The following SKP2 variants were observed in gnomAD, a reference collection of about 807,000 sequenced individuals.
SKP2 encodes the protein S-phase kinase associated protein 2.
A neutral mutation model predicts 51.8 loss-of-function variants in SKP2; 16 were observed. The ratio of observed to expected loss-of-function variants is 0.31; its 90% CI spans 0.21 to 0.47. SKP2 has a LOEUF of 0.47. Ranked by LOEUF, SKP2 falls within the 20% of genes least tolerant of loss-of-function variation. The pLI is 1.00. For missense variants in SKP2, 377 were observed against 505.3 expected (o/e 0.75, Z 2.43); for synonymous variants, 176 against 198.6 (o/e 0.89, Z 0.96).
chr5:36,159,611 C>T (rs975965157), intron 2 of SKP2, among the ~76,000 whole-genome samples: 1 of 152,212 alleles, frequency 6.6e-6, no homozygotes, highest in African/African-American at 2.4e-5. Flanking sequence ...AATACCCCAG[C>T]ACTCGTGCCC....
chr5:36,180,290 G>C (rs780620744), intron 9 of SKP2: 3 of 1,331,786 alleles, frequency 2.3e-6, no homozygotes, highest in Admixed American at 3.8e-5. Context: ...TGCTGTCATC[G>C]TAAGTGATTA....
rs1483743970 is a variant in SKP2 at position 36,183,717 on chromosome 5, G to A, written c.*1686G>A. The A allele has an allele frequency of 7.5e-6, 10 of 1,325,858 alleles. No homozygotes were observed. Among genetic ancestry groups the A allele is most frequent in the Non-Finnish European group, 8.7e-6 (9 of 1,031,384 alleles). 82.1% of individuals were successfully genotyped at this position (1,325,858 alleles called of 1,614,324 possible). A position where few individuals can be genotyped will look rare whatever the true frequency, so the allele number is the denominator to read the frequency against. On this transcript the variant is annotated 3_prime_UTR_variant, in exon 10 of 10. Coordinates refer to ENST00000274255, the MANE Select transcript of SKP2 (RefSeq NM_005983.4). Reference sequence around the variant, plus strand: ...ATTGTTAATGTTAGAAACATACTATGAAGTGCCTTTATCTGCTTAGACCTA... The same window carrying A: ...ATTGTTAATGTTAGAAACATACTATAAAGTGCCTTTATCTGCTTAGACCTA...
intron 7 of SKP2, among the ~76,000 whole-genome samples, chr5:36,175,935 T>C (rs1175969081): frequency 6.6e-6 from 1 of 151,856 alleles, no homozygotes; most frequent in African/African-American, 2.4e-5. Context: ...ACTGTATAAT[T>C]CTCTGAATTC....
At position 36,168,509 on chromosome 5, in the gene SKP2, G is replaced by T. The variant is rs1253413172; in HGVS notation, c.671+62G>T. The T allele has an allele frequency of 2.7e-6, 4 of 1,508,634 alleles. No homozygotes were observed. In the African/African-American group the frequency reaches 4.1e-5, roughly 15 times the overall value. The allele number at this position is 1,508,634 out of a possible 1,614,324, so 93.5% of individuals were successfully genotyped here. The stretch of plus-strand genomic sequence containing the variant: ...TTTATGTGTATGAATTTTTTTCCCT[G>T]TATATAACTGGGGTGCCCTTCTAGC... On this transcript the variant is annotated intron_variant, in intron 5 of 9. Coordinates refer to ENST00000274255, the MANE Select transcript of SKP2 (RefSeq NM_005983.4).
intron 7 of SKP2, among the ~76,000 whole-genome samples, chr5:36,175,615 C>CT (rs904273542): frequency 1.1e-4 from 16 of 148,136 alleles, no homozygotes; most frequent in Non-Finnish European, 1.3e-4. Context: ...TCCTTGCAGC[C>CT]TTTTTTTTTT....
At chr5:36,188,711 G>A (rs978403642), downstream of SKP2, among the ~76,000 whole-genome samples, 4 of 152,030 alleles carry the variant, frequency 2.6e-5, no homozygotes, top group Admixed American at 2.0e-4. Context: ...ATGTGCCTTC[G>A]GGTTGCTCTT....
Position 36,183,993 on chromosome 5 carries a change from A to T in SKP2, c.*1962A>T, listed in dbSNP as rs150453834. ...TTGTATGTGATTTCTACTTTTATAG[A>T]CTTGTTTTAAAACAATAAAACACAT... On this transcript the variant is annotated 3_prime_UTR_variant, in exon 10 of 10. Coordinates refer to ENST00000274255, the MANE Select transcript of SKP2 (RefSeq NM_005983.4). The T allele has an allele frequency of 1.0e-4, 164 of 1,580,616 alleles. No individual in the cohort carries two copies. In the African/African-American group the frequency reaches 2.0e-3, roughly 19 times the overall value.
At chr5:36,170,264 C>T (rs1365572269) in intron 5 of SKP2, 80 bp from the exon 6 acceptor site, 1 of 778,808 alleles carries the variant, frequency 1.3e-6, no homozygotes, top group African/African-American at 1.7e-5. Flanking sequence ...CTTAACTACA[C>T]TCGCCTGCTT....
At chr5:36,170,245 A>T (rs1422891388) in intron 5 of SKP2, 99 bp from the exon 6 acceptor site, 1 of 642,064 alleles carries the variant, frequency 1.6e-6, no homozygotes, top group East Asian at 2.7e-5. Flanking sequence ...TGACTCAAAG[A>T]CCTGTGAGCT....
At chr5:36,181,622 C>G (rs1297454091) in intron 9 of SKP2, among the ~76,000 whole-genome samples, 196 bp from the exon 10 acceptor site, 1 of 152,126 alleles carries the variant, frequency 6.6e-6, no homozygotes, top group East Asian at 1.9e-4. Context: ...AGTGTGTTTC[C>G]TAATGACATG....
intron 7 of SKP2, among the ~76,000 whole-genome samples, chr5:36,172,770 C>T (rs1479528999): frequency 4.6e-5 from 7 of 152,024 alleles, no homozygotes; most frequent in South Asian, 2.1e-4. Flanking sequence ...GGTAGAAATT[C>T]GAGTCTTTCA....
At position 36,171,595 on chromosome 5, in the gene SKP2, T is replaced by C. The variant is rs1745477096; in HGVS notation, c.771-8T>C. On this transcript the variant is annotated splice_region_variant and splice_polypyrimidine_tract_variant and intron_variant, in intron 6 of 9. Coordinates refer to ENST00000274255, the MANE Select transcript of SKP2 (RefSeq NM_005983.4). ...TCATATTTTGTTTATTACCCCTCTT[T>C]TGTGCAGACTGGATGAGCTGAACCT... 3.1e-6 allele frequency: 5 copies of C among 1,612,784 alleles called. No homozygotes were observed. The highest frequency in any genetic ancestry group is 1.3e-5 in the African/African-American group (1 of 74,994).
In SKP2 at chr5:36,175,370, C is replaced by T. The variant is rs138225575; in HGVS notation, c.902-1595C>T. Among the ~76,000 whole-genome samples, 328 of 152,048 alleles carry T rather than the reference C, an allele frequency of 2.2e-3. 2 individuals carry two copies. Among genetic ancestry groups the T allele is most frequent in the African/African-American group, 7.6e-3 (314 of 41,482 alleles). ...TTTAGAGGCCTATCTCATATCCAAA[C>T]GGTATGTTGAGGAGGCAGTTGAAAA... On this transcript the variant is annotated intron_variant, in intron 7 of 9. Coordinates refer to ENST00000274255, the MANE Select transcript of SKP2 (RefSeq NM_005983.4).
Position 36,177,219 on chromosome 5 carries a change from G to C in SKP2, c.988G>C (p.Glu330Gln). 1 of 1,612,154 alleles carries C rather than the reference G, an allele frequency of 6.2e-7. No homozygotes were observed. Among genetic ancestry groups the C allele is most frequent in the Non-Finnish European group, 8.5e-7 (1 of 1,178,654 alleles). ...SVMLKNDCFQ[E>Q]FFQLNYLQHL... ...CATGCTAAAGAATGACTGCTTTCAG[G>C]AATTTTTCCAGCTCAACTACCTCCA... Residue 330 changes from glutamate to glutamine, a missense_variant, in exon 9 of 10, where the codon GAA becomes CAA. Physicochemically the swap from Glu to Gln is conservative, Grantham distance 29 (BLOSUM62 2). Transcript: ENST00000274255.
chr5:36,175,607 C>T (rs1305802867), intron 7 of SKP2, among the ~76,000 whole-genome samples: 1 of 151,538 alleles, frequency 6.6e-6, no homozygotes, highest in Non-Finnish European at 1.5e-5. Flanking sequence ...GATGTATTTC[C>T]TTGCAGCCTT....
intron 1 of SKP2, 135 bp from the exon 2 acceptor site, chr5:36,152,636 G>A: frequency 1.1e-6 from 1 of 874,122 alleles, no homozygotes; most frequent in South Asian, 1.7e-5. Flanking sequence ...CTCGCCGCAG[G>A]CACATAAAAA....
chr5:36,180,189 T>G (rs1203108310), intron 9 of SKP2: 1 of 899,836 alleles, frequency 1.1e-6, no homozygotes, highest in Non-Finnish European at 1.6e-6. Context: ...GCTCACAATT[T>G]GGCTAATTTG....
chr5:36,176,194 A>C (rs2112000842), intron 7 of SKP2, among the ~76,000 whole-genome samples: 1 of 151,882 alleles, frequency 6.6e-6, no homozygotes, highest in South Asian at 2.1e-4. Context: ...GGTATTTTGC[A>C]ATGTAGATTT....
chr5:36,181,933 T>C lies in SKP2; in HGVS notation c.1177T>C (p.Phe393Leu), dbSNP rs755374353. Reference sequence around the variant, plus strand: ...TCATCTACAGATTAATTGCTCCCATTTCACCACCATTGCCAGGCCAACTAT... The same window carrying C: ...TCATCTACAGATTAATTGCTCCCATCTCACCACCATTGCCAGGCCAACTAT... ...LPHLQINCSH[F>L]TTIARPTIGN... The change falls in exon 10 of 10, where the codon TTC becomes CTC. Residue 393 changes from phenylalanine (F) to leucine (L), a missense_variant. Around this residue, in one of 2 missense-constraint regions of SKP2, gnomAD observed 262 missense variants for 389.8 expected, o/e 0.67. Coordinates refer to ENST00000274255, the MANE Select transcript of SKP2 (RefSeq NM_005983.4). The C allele has an allele frequency of 3.1e-6, 5 of 1,614,154 alleles. No individual in the cohort carries two copies. Among genetic ancestry groups the C allele is most frequent in the Non-Finnish European group, 4.2e-6 (5 of 1,180,016 alleles).
Sources: allele counts gnomAD v4.1 joint callset (sites outside exome capture counted in the v4.1 genomes callset), GRCh38; gene constraint gnomAD v4.1.1; regional missense constraint gnomAD v4.1.1; transcripts MANE v1.5; gene names NCBI Gene and HGNC (gene_info 2026-07-23, HGNC 2026-07-21).